NOS1AP: variants seen among roughly 807,000 people sequenced by gnomAD.
NOS1AP encodes nitric oxide synthase 1 adaptor protein.
In NOS1AP, 21 loss-of-function variants were observed where a neutral mutation model predicts 56.2. That is an observed-to-expected ratio of 0.37 (90% CI 0.26 to 0.54). The LOEUF is 0.54. Among genes scored for constraint, NOS1AP ranks in the 20% least tolerant of loss-of-function variants. The pLI is 0.84. For missense variants in NOS1AP, 522 were observed against 657.8 expected (o/e 0.79, Z 2.26); for synonymous variants, 270 against 274.6 (o/e 0.98, Z 0.17).
At chr1:162,139,099 TG>T (rs143724797) in intron 1 of NOS1AP, among the ~76,000 whole-genome samples, 2,991 of 152,278 alleles carry the variant, frequency 0.02, 100 homozygotes, top group African/African-American at 0.068. Context: ...GGCTCTGGCT[TG>T]GGGCATGTTG....
chr1:162,266,979 T>G (rs530029297), intron 2 of NOS1AP, among the ~76,000 whole-genome samples: 1 of 152,320 alleles, frequency 6.6e-6, no homozygotes, highest in South Asian at 2.1e-4. Flanking sequence ...TGGTACCAGA[T>G]CCTCTCTTTC....
Position 162,255,752 on chromosome 1 carries a change from C to T in NOS1AP, c.178-31592C>T, listed in dbSNP as rs116475167. Among the ~76,000 whole-genome samples, 1,457 of 152,040 alleles carry T rather than the reference C, an allele frequency of 9.6e-3. 15 individuals are homozygous for T. Among genetic ancestry groups the T allele is most frequent in the Non-Finnish European group, 0.017 (1,133 of 67,982 alleles). On this transcript the variant is annotated intron_variant, in intron 2 of 9. Transcript: ENST00000361897. ...AATCTAGTCTCACAAACAAGAGAAA[C>T]GTTGGTGAGGGCAGGGGTGGAAAAA...
Position 162,277,843 on chromosome 1 carries a change from T to A in NOS1AP, c.178-9501T>A, listed in dbSNP as rs185980504. Among the ~76,000 whole-genome samples the A allele has an allele frequency of 2.1e-3, 315 of 152,356 alleles. 4 individuals are homozygous for A. Among genetic ancestry groups the A allele is most frequent in the Non-Finnish European group, 9.0e-4 (61 of 68,032 alleles). On this transcript the variant is annotated intron_variant, in intron 2 of 9. Transcript: ENST00000361897. Reference sequence around the variant, plus strand: ...TTATTCTGCTTCTCAGTCTATATAGTGATTTCATCCAGATATTTTCTTTAT... The same window carrying A: ...TTATTCTGCTTCTCAGTCTATATAGAGATTTCATCCAGATATTTTCTTTAT...
intron 2 of NOS1AP, among the ~76,000 whole-genome samples, chr1:162,176,254 A>G (rs1170814446): frequency 6.6e-6 from 1 of 152,088 alleles, no homozygotes; most frequent in East Asian, 1.9e-4. Context: ...AATGTCCTAT[A>G]CTTACATTAC....
intron 1 of NOS1AP, among the ~76,000 whole-genome samples, chr1:162,118,892 G>C (rs1021564643): frequency 6.6e-6 from 1 of 151,900 alleles, no homozygotes; most frequent in Non-Finnish European, 1.5e-5. Context: ...TCGGAGCCTT[G>C]GCCTCTCTCC....
intron 2 of NOS1AP, among the ~76,000 whole-genome samples, chr1:162,285,342 C>T (rs746009709): frequency 9.2e-5 from 14 of 152,178 alleles, no homozygotes; most frequent in Non-Finnish European, 1.8e-4. Context: ...GTAGCTGGTT[C>T]ACCTCTCAGT....
intron 1 of NOS1AP, among the ~76,000 whole-genome samples, chr1:162,139,589 G>A (rs1393867819): frequency 2.0e-5 from 3 of 152,200 alleles, no homozygotes; most frequent in African/African-American, 7.2e-5. Flanking sequence ...GAGGCCACTG[G>A]TGCAGTGGAA....
intron 8 of NOS1AP, chr1:162,363,276 C>T (rs1657961479): frequency 6.6e-6 from 1 of 152,618 alleles, no homozygotes; most frequent in Non-Finnish European, 1.5e-5. Flanking sequence ...CTCAGGAAAA[C>T]ACCTACATTT....
chr1:162,225,291 C>A (rs1652904864), intron 2 of NOS1AP, among the ~76,000 whole-genome samples: 1 of 152,184 alleles, frequency 6.6e-6, no homozygotes, highest in Non-Finnish European at 1.5e-5. Flanking sequence ...AGTTGTGGGG[C>A]AGTGTGCCTT....
chr1:162,219,523 C>T (rs1652696817), intron 2 of NOS1AP, among the ~76,000 whole-genome samples: 1 of 151,464 alleles, frequency 6.6e-6, no homozygotes, highest in African/African-American at 2.4e-5. Flanking sequence ...TTCTCTGACC[C>T]CCTGCCACAC....
At chr1:162,160,985 T>C (rs1448525853) in intron 2 of NOS1AP, among the ~76,000 whole-genome samples, 1 of 152,160 alleles carries the variant, frequency 6.6e-6, no homozygotes, top group Non-Finnish European at 1.5e-5. Context: ...GCTCCCTAGA[T>C]TCCTTGGCTC....
chr1:162,362,971 C>G, intron 8 of NOS1AP: 2 of 941,586 alleles, frequency 2.1e-6, no homozygotes, highest in Non-Finnish European at 2.5e-6. Flanking sequence ...GCTATACTGT[C>G]ACAACATACT....
intron 8 of NOS1AP, among the ~76,000 whole-genome samples, chr1:162,359,602 T>C (rs1657821768): frequency 6.6e-6 from 1 of 152,184 alleles, no homozygotes; most frequent in South Asian, 2.1e-4. Context: ...TTTACTAGTG[T>C]CTATATCCTT....
rs377746646 is a variant in NOS1AP, at chr1:162,134,444, C to A, written c.106-19961C>A. On this transcript the variant is annotated intron_variant, in intron 1 of 9. Transcript: ENST00000361897. ...GAGGTTGTACTGAGCTGAGATCACACTACTGCACTCCAGCCTGGAGTGACA... is the reference window on the plus strand; with the variant it reads ...GAGGTTGTACTGAGCTGAGATCACAATACTGCACTCCAGCCTGGAGTGACA... Among the ~76,000 whole-genome samples, 29 of 142,432 alleles carry A rather than the reference C, an allele frequency of 2.0e-4. 2 individuals are homozygous for A. Among genetic ancestry groups the A allele is most frequent in the African/African-American group, 7.3e-4 (28 of 38,576 alleles). The allele number at this position is 142,432 out of a possible 152,430, so 93.4% of individuals were successfully genotyped here.
chr1:162,149,855 A>T (rs1225857834), intron 1 of NOS1AP, among the ~76,000 whole-genome samples: 1 of 152,208 alleles, frequency 6.6e-6, no homozygotes, highest in African/African-American at 2.4e-5. Context: ...TTGTGGGTAC[A>T]TAATAGGTGT....
intron 1 of NOS1AP, among the ~76,000 whole-genome samples, chr1:162,147,846 C>T (rs986659080): frequency 3.3e-5 from 5 of 152,136 alleles, no homozygotes; most frequent in African/African-American, 1.2e-4. Flanking sequence ...TATTTTTAAA[C>T]TCCTTTACCT....
chr1:162,312,773 T>G (rs1656085625), intron 4 of NOS1AP, among the ~76,000 whole-genome samples: 1 of 152,098 alleles, frequency 6.6e-6, no homozygotes. Context: ...GTCAAAAAGC[T>G]TATCCACCAT....
chr1:162,101,531 A>G (rs536964236), intron 1 of NOS1AP, among the ~76,000 whole-genome samples: 20 of 152,182 alleles, frequency 1.3e-4, no homozygotes, highest in African/African-American at 4.8e-4. Context: ...GGCAGTATGT[A>G]CTTTGGGCAT....
At chr1:162,320,250 T>C (rs1021153810) in intron 4 of NOS1AP, among the ~76,000 whole-genome samples, 1 of 152,114 alleles carries the variant, frequency 6.6e-6, no homozygotes, top group Non-Finnish European at 1.5e-5. Flanking sequence ...GAAAAGAGCT[T>C]CTGGCATACA....
Sources: gnomAD v4.1 joint callset for allele counts (sites outside exome capture counted in the v4.1 genomes callset) on GRCh38, gnomAD v4.1.1 for gene constraint, MANE v1.5 for transcripts, NCBI Gene and HGNC (gene_info 2026-07-23, HGNC 2026-07-21) for gene names.